Variants in HEATR5A observed in about 807,000 individuals in gnomAD.
The protein encoded by HEATR5A is HEAT repeat containing 5A, also known as HEAT repeat-containing protein 5A.
A neutral mutation model predicts 218.8 loss-of-function variants in HEATR5A; 178 were observed. That is an observed-to-expected ratio of 0.81 (90% CI 0.72 to 0.92). The LOEUF is 0.92. HEATR5A is among the 40% of genes least tolerant of loss of function. The pLI, the probability that HEATR5A is intolerant of heterozygous loss-of-function variation, is 0.00. For synonymous variants in HEATR5A, 864 were observed against 871.6 expected, an observed-to-expected ratio of 0.99 and a Z score of 0.15; for missense variants, 2,420 against 2,418.9, an observed-to-expected ratio of 1.00 and a Z score of -0.01.
At chr14:31,293,774 A>G in intron 35 of HEATR5A, 117 bp downstream of exon 35, 2 of 1,045,666 alleles carry the variant, frequency 1.9e-6, no homozygotes, top group Non-Finnish European at 2.8e-6. Flanking sequence ...GATTAACATA[A>G]CACCTTTCAA....
chr14:31,397,333 AT>A (rs201155054), intron 4 of HEATR5A, among the ~76,000 whole-genome samples: 2,510 of 148,848 alleles, frequency 0.017, 155 homozygotes, highest in Admixed American at 0.11. Flanking sequence ...ATGTTTTTAG[AT>A]TTTTTTTTTT....
chr14:31,295,770 T>C (rs766990683), intron 34 of HEATR5A, 139 bp downstream of exon 34: 5 of 656,440 alleles, frequency 7.6e-6, no homozygotes, highest in East Asian at 5.6e-5. Flanking sequence ...ACTCCTGAAA[T>C]AGAAATTAAT....
intron 22 of HEATR5A, among the ~76,000 whole-genome samples, chr14:31,330,700 A>C (rs1426083943): frequency 6.6e-6 from 1 of 151,608 alleles, no homozygotes; most frequent in Non-Finnish European, 1.5e-5. Flanking sequence ...CTGAGGCAGG[A>C]GAATAGCATG....
At chr14:31,295,485 A>G (rs1899155170) in intron 34 of HEATR5A, 2 of 152,452 alleles carry the variant, frequency 1.3e-5, no homozygotes, top group South Asian at 2.1e-4. Context: ...GCCTCAAGCA[A>G]TCTGCCCACC....
At chr14:31,364,157 A>G in intron 14 of HEATR5A, 32 bp downstream of exon 14, 2 of 968,596 alleles carry the variant, frequency 2.1e-6, no homozygotes, top group South Asian at 1.6e-5. Context: ...ACTAGCCACA[A>G]ACAAAAAAAC....
At position 31,380,593 on chromosome 14, in the gene HEATR5A, A is replaced by G; in HGVS notation, c.1597-15T>C. Reference sequence around the variant, plus strand: ...GTCATAATAATCTATTTACATATAGAACAAGTTTTAAAAAAAGCATATCAG... The same window carrying G: ...GTCATAATAATCTATTTACATATAGGACAAGTTTTAAAAAAAGCATATCAG... On this transcript the variant is annotated splice_polypyrimidine_tract_variant and intron_variant, in intron 10 of 35. Transcript: ENST00000543095. 1 of 1,503,976 alleles carries G rather than the reference A, an allele frequency of 6.6e-7. No individual in the cohort carries two copies. Among genetic ancestry groups the G allele is most frequent in the Non-Finnish European group, 9.1e-7 (1 of 1,103,020 alleles). The allele number at this position is 1,503,976 out of a possible 1,614,324, so 93.2% of individuals were successfully genotyped here.
intron 16 of HEATR5A, 145 bp from the exon 17 acceptor site, chr14:31,350,862 C>A: frequency 1.8e-6 from 1 of 550,376 alleles, no homozygotes; most frequent in Admixed American, 3.2e-5. Flanking sequence ...ACTACAACCT[C>A]CACCTTCCTG....
chr14:31,362,825 C>T (rs1202047952), intron 14 of HEATR5A, among the ~76,000 whole-genome samples: 1 of 151,356 alleles, frequency 6.6e-6, no homozygotes, highest in Non-Finnish European at 1.5e-5. Context: ...AGAAGATACA[C>T]TGTAGATTTT....
intron 25 of HEATR5A, chr14:31,320,439 CTG>C: frequency 7.5e-7 from 1 of 1,336,368 alleles, no homozygotes; most frequent in Non-Finnish European, 1.1e-6. Flanking sequence ...AACTTGGCGG[CTG>C]TGTCAGTGTC....
At chr14:31,416,814 T>C (rs934564798) in intron 1 of HEATR5A, among the ~76,000 whole-genome samples, 1 of 152,150 alleles carries the variant, frequency 6.6e-6, no homozygotes, top group Non-Finnish European at 1.5e-5. Context: ...TAAAAAACTC[T>C]TTTGAGGCCA....
intron 4 of HEATR5A, 84 bp downstream of exon 4, chr14:31,398,589 G>A (rs2030748900): frequency 1.4e-6 from 1 of 697,136 alleles, no homozygotes; most frequent in South Asian, 1.9e-5. Flanking sequence ...CTTGACATAT[G>A]TAAAGCTCTT....
chr14:31,380,518 C>A lies in HEATR5A; in HGVS notation c.1657G>T (p.Ala553Ser). The change falls in exon 11 of 36, where the codon GCT (alanine) becomes TCT (serine). Residue 553 changes from alanine (A) to serine (S), a missense_variant. Ala to Ser is a moderately conservative substitution (Grantham distance 99). Transcript: ENST00000543095. ...AACCATCCAGCTTGTGTGCGCTGAG[C>A]TGAAAGGCGACTGTTTTGAGCAGCA... ...CSAAQNSRLS[A>S]QRTQAGWLLI... is the part of the protein sequence containing the mutation. 6.2e-7 allele frequency: 1 copy of A among 1,609,108 alleles called. No individual in the cohort carries two copies. Among genetic ancestry groups the A allele is most frequent in the Non-Finnish European group, 8.5e-7 (1 of 1,177,698 alleles).
chr14:31,369,608 CAAAAAAAA>C (rs71430951), intron 13 of HEATR5A, among the ~76,000 whole-genome samples: 739 of 45,172 alleles, frequency 0.016, 10 homozygotes, highest in African/African-American at 0.066. Context: ...AAAACTGTCT[CAAAAAAAA>C]AAAAAAAAAA....
intron 16 of HEATR5A, 50 bp downstream of exon 16, chr14:31,358,587 T>C (rs1223128640): frequency 6.8e-7 from 1 of 1,474,062 alleles, no homozygotes; most frequent in Non-Finnish European, 9.3e-7. Flanking sequence ...ACATTCTTCT[T>C]ACCCACCAGT....
rs1053484093 is a variant in HEATR5A, at chr14:31,374,873, G to A, written c.1804C>T (p.Arg602Ter). The change falls in exon 12 of 36, where the codon CGA (arginine) becomes TGA (stop). Residue 602 changes from arginine to a stop codon, truncating the protein, a stop_gained. Coordinates refer to ENST00000543095, the MANE Select transcript of HEATR5A (RefSeq NM_015473.4). LOFTEE classifies it high-confidence loss of function. Reference protein sequence around the residue: ...SPKDLETEKSRGDSFTWQVTL... With the variant: ...SPKDLETEKS ...ACCTGCCATGTAAACGAATCTCCTC[G>A]GCTCTTTTCTGTTTCTAGATCTTTA... 48 of 1,613,538 alleles carry A rather than the reference G, an allele frequency of 3.0e-5. No homozygotes were observed. Among genetic ancestry groups the A allele is most frequent in the Non-Finnish European group, 3.9e-5 (46 of 1,179,736 alleles).
intron 13 of HEATR5A, among the ~76,000 whole-genome samples, chr14:31,370,119 G>A (rs1276470453): frequency 6.6e-6 from 1 of 151,644 alleles, no homozygotes; most frequent in African/African-American, 2.4e-5. Flanking sequence ...CCAGCTACTC[G>A]GGAGGCTGAG....
chr14:31,398,155 A>G (rs1186168679), intron 4 of HEATR5A, among the ~76,000 whole-genome samples: 1 of 152,196 alleles, frequency 6.6e-6, no homozygotes, highest in African/African-American at 2.4e-5. Context: ...AGTGACACAA[A>G]TATTTCAATG....
intron 28 of HEATR5A, among the ~76,000 whole-genome samples, chr14:31,312,596 A>C (rs1205457174): frequency 6.6e-6 from 1 of 152,104 alleles, no homozygotes; most frequent in Admixed American, 6.6e-5. Context: ...TGTTTTTAGT[A>C]GAAATGGGGT....
Position 31,323,446 on chromosome 14 carries a change from G to A in HEATR5A, c.3787+119C>T, listed in dbSNP as rs111692350. The A allele has an allele frequency of 9.4e-4, 674 of 719,182 alleles. 1 individual carries two copies. In the African/African-American group the frequency reaches 0.011, roughly 12 times the overall value. 44.6% of individuals were successfully genotyped at this position (719,182 alleles called of 1,614,324 possible). A position where few individuals can be genotyped will look rare whatever the true frequency, so the allele number is the denominator to read the frequency against. On this transcript the variant is annotated intron_variant, in intron 24 of 35. Coordinates refer to ENST00000543095, the MANE Select transcript of HEATR5A (RefSeq NM_015473.4). ...CAAAGTGTTAGGATTACAGGTATGA[G>A]CCACTGTGTCTGGCTAGTTTCATTT...
Sources: gnomAD v4.1 joint callset for allele counts (sites outside exome capture counted in the v4.1 genomes callset) on GRCh38, gnomAD v4.1.1 for gene constraint, MANE v1.5 for transcripts, NCBI Gene and HGNC (gene_info 2026-07-23, HGNC 2026-07-21) for gene names.